PHTF2: variants seen among roughly 807,000 people sequenced by gnomAD.
PHTF2 encodes protein PHTF2.
PHTF2 carries 60 observed loss-of-function variants against 101.2 expected under a neutral mutation model. That is an observed-to-expected ratio of 0.59 (90% CI 0.48 to 0.73). The LOEUF (loss-of-function observed/expected upper bound fraction) is 0.73. Ranked by LOEUF, PHTF2 falls within the 30% of genes least tolerant of loss-of-function variation. The pLI is 0.00. For synonymous variants in PHTF2, 311 were observed against 307.3 expected, an observed-to-expected ratio of 1.01 and a Z score of -0.13; for missense variants, 747 against 908.7, an observed-to-expected ratio of 0.82 and a Z score of 2.29.
chr7:77,888,860 TA>T lies in PHTF2; in HGVS notation c.148-4737del, dbSNP rs5885033. On this transcript the variant is annotated intron_variant, in intron 3 of 19. Transcript: ENST00000416283. ...AGACTGAGACCCTGTCTCAACAAAT[TA>T]AAAAAAAAAATAAGAGGGATACAGT... Among the ~76,000 whole-genome samples the T allele has an allele frequency of 2.6e-4, 38 of 146,174 alleles. No homozygotes were observed. The South Asian group carries it at 2.6e-3, about 10-fold the overall frequency.
At chr7:77,829,556 G>T (rs1193603777) in intron 1 of PHTF2, among the ~76,000 whole-genome samples, 1 of 152,056 alleles carries the variant, frequency 6.6e-6, no homozygotes, top group East Asian at 1.9e-4. Flanking sequence ...ATAATTTATA[G>T]ATCACATGAT....
At chr7:77,899,818 C>G (rs1440120736) in intron 5 of PHTF2, among the ~76,000 whole-genome samples, 1 of 152,190 alleles carries the variant, frequency 6.6e-6, no homozygotes, top group Non-Finnish European at 1.5e-5. Flanking sequence ...ACCAAATCAT[C>G]TAAACACTTG....
intron 11 of PHTF2, among the ~76,000 whole-genome samples, chr7:77,925,495 G>GTTTTTTTTTTTTTTTTTTTTTT (rs58290945): frequency 1.6e-4 from 12 of 73,166 alleles, no homozygotes; most frequent in African/African-American, 6.4e-4. Flanking sequence ...AGTTTTTAGG[G>GTTTTTTTTTTTTTTTTTTTTTT]TTTTTTTTTT....
intron 3 of PHTF2, among the ~76,000 whole-genome samples, chr7:77,889,708 A>T (rs923988625): frequency 4.0e-5 from 6 of 148,894 alleles, no homozygotes; most frequent in African/African-American, 1.5e-4. Context: ...CCCCTGCCTC[A>T]GCCTCCTGAG....
intron 2 of PHTF2, among the ~76,000 whole-genome samples, chr7:77,853,663 G>A (rs2150635717): frequency 6.6e-6 from 1 of 152,006 alleles, no homozygotes; most frequent in Admixed American, 6.6e-5. Context: ...CAAAGTGTTG[G>A]GATTACAGGT....
intron 3 of PHTF2, among the ~76,000 whole-genome samples, chr7:77,863,799 T>TC (rs1049685391): frequency 1.3e-5 from 2 of 151,530 alleles, no homozygotes; most frequent in Non-Finnish European, 2.9e-5. Context: ...TTTTTTTTTT[T>TC]TTTGGAAGAT....
At chr7:77,920,139 AATT>A in intron 9 of PHTF2, 137 bp from the exon 9 acceptor site, 1 of 563,296 alleles carries the variant, frequency 1.8e-6, no homozygotes, top group Non-Finnish European at 3.1e-6. Flanking sequence ...TATATTTCTA[AATT>A]ATTATACAAA....
intron 3 of PHTF2, among the ~76,000 whole-genome samples, chr7:77,887,037 C>A (rs554584595): frequency 9.1e-6 from 1 of 110,300 alleles, no homozygotes; most frequent in East Asian, 2.2e-4. Flanking sequence ...CAGAGTGAGA[C>A]CCTGTCTTTA....
intron 3 of PHTF2, among the ~76,000 whole-genome samples, chr7:77,885,662 C>G (rs538920294): frequency 2.0e-5 from 3 of 152,302 alleles, no homozygotes; most frequent in Admixed American, 2.0e-4. Flanking sequence ...CCAGGCTAGT[C>G]TGGAGCTCCT....
At chr7:77,953,106 A>G (rs140410343) in intron 18 of PHTF2, among the ~76,000 whole-genome samples, 3 of 152,248 alleles carry the variant, frequency 2.0e-5, no homozygotes, top group Non-Finnish European at 4.4e-5. Flanking sequence ...TCATGTTCTC[A>G]TGTGTCTTTT....
intron 1 of PHTF2, among the ~76,000 whole-genome samples, chr7:77,814,004 A>AT (rs1187210690): frequency 6.6e-6 from 1 of 152,224 alleles, no homozygotes; most frequent in African/African-American, 2.4e-5. Flanking sequence ...ATCAAGAATA[A>AT]TATTTAAAGC....
chr7:77,833,288 G>A (rs922770952), intron 1 of PHTF2, among the ~76,000 whole-genome samples: 2 of 152,174 alleles, frequency 1.3e-5, no homozygotes, highest in Non-Finnish European at 2.9e-5. Context: ...TGGGATGGTT[G>A]AAACAAGACA....
At chr7:77,841,254 A>G (rs906857901) in intron 2 of PHTF2, among the ~76,000 whole-genome samples, 5 of 151,136 alleles carry the variant, frequency 3.3e-5, no homozygotes, top group African/African-American at 9.7e-5. Flanking sequence ...TAATTTTTGT[A>G]TATTTAGTAG....
chr7:77,813,216 C>CAA (rs1214252709), intron 1 of PHTF2, among the ~76,000 whole-genome samples: 3 of 152,090 alleles, frequency 2.0e-5, no homozygotes, highest in African/African-American at 7.2e-5. Context: ...AAGAGATGTG[C>CAA]AAAAACTGAG....
rs371693033 is a variant in PHTF2, at chr7:77,917,494, A to G, written c.777-2785A>G. 2.0e-5 allele frequency among the ~76,000 whole-genome samples: 3 copies of G among 152,304 alleles called. No individual in the cohort carries two copies. The South Asian group carries it at 6.2e-4, about 32-fold the overall frequency. On this transcript the variant is annotated intron_variant, in intron 9 of 19. Coordinates refer to ENST00000416283, the Ensembl canonical transcript of PHTF2. Reference sequence around the variant, plus strand: ...CTATCCAGGTATATTATACACCATCAATTTGCATTGATAGCTCCAATTCAA... The same window carrying G: ...CTATCCAGGTATATTATACACCATCGATTTGCATTGATAGCTCCAATTCAA...
intron 7 of PHTF2, among the ~76,000 whole-genome samples, chr7:77,906,058 G>T (rs900472990): frequency 6.6e-5 from 10 of 152,130 alleles, no homozygotes; most frequent in Admixed American, 2.6e-4. Flanking sequence ...CATGATCTCG[G>T]TTCACTGCAA....
At position 77,900,746 on chromosome 7, in the gene PHTF2, GA is replaced by G; in HGVS notation, c.255del (p.Lys85AsnfsTer5). 6.3e-7 allele frequency: 1 copy of G among 1,577,788 alleles called. No homozygotes were observed. Among genetic ancestry groups the G allele is most frequent in the Non-Finnish European group, 8.7e-7 (1 of 1,147,234 alleles). On this transcript the variant is annotated frameshift_variant, in exon 6 of 20. Transcript: ENST00000416283. LOFTEE classifies it high-confidence loss of function. ...ATAAACCAAAGAAAACAGCACATGT[GA>G]AACCAGACCTCATAGATGTTGATCT...
At chr7:77,847,667 G>A (rs1584476559) in intron 2 of PHTF2, among the ~76,000 whole-genome samples, 1 of 152,182 alleles carries the variant, frequency 6.6e-6, no homozygotes, top group Non-Finnish European at 1.5e-5. Flanking sequence ...TGTAAATGGA[G>A]TATCCATCAC....
Position 77,942,968 on chromosome 7 carries a change from C to T in PHTF2, c.1959+182C>T, listed in dbSNP as rs938741806. ...TTATCTCTGTGCCATGAACAGTGAG[C>T]ATGTATGCTCAAATGTCTGTTGAAT... On this transcript the variant is annotated intron_variant, in intron 16 of 19. Transcript: ENST00000416283. Among the ~76,000 whole-genome samples the T allele has an allele frequency of 2.6e-5, 4 of 152,154 alleles. No homozygotes were observed. The highest frequency in any genetic ancestry group is 7.2e-5 in the African/African-American group (3 of 41,420).
Sources: allele counts gnomAD v4.1 joint callset (sites outside exome capture counted in the v4.1 genomes callset), GRCh38; gene constraint gnomAD v4.1.1; transcripts MANE v1.5; gene names NCBI Gene and HGNC (gene_info 2026-07-23, HGNC 2026-07-21).